The following FAM149B1 variants were observed in gnomAD, a reference collection of about 807,000 sequenced individuals.
FAM149B1 encodes primary cilium assembly protein FAM149B1.
A neutral mutation model predicts 75.3 loss-of-function variants in FAM149B1; 56 were observed. The observed-to-expected ratio is 0.74, with a 90% CI of 0.60 to 0.93. The LOEUF is 0.93. FAM149B1 is among the 40% of genes least tolerant of loss of function. The pLI, the probability that FAM149B1 is intolerant of heterozygous loss-of-function variation, is 0.00. For synonymous variants in FAM149B1, 259 were observed against 256.1 expected (o/e 1.01, Z -0.11); for missense variants, 639 against 708.4 (o/e 0.90, Z 1.11).
intron 5 of FAM149B1, among the ~76,000 whole-genome samples, chr10:73,194,916 T>C (rs767318257): frequency 3.6e-4 from 54 of 152,072 alleles, no homozygotes; most frequent in Middle Eastern, 6.8e-3. Flanking sequence ...ACTCCTGACC[T>C]CAGGTGATCT....
At position 73,168,278 on chromosome 10, in the gene FAM149B1, C is replaced by G; in HGVS notation, c.-62C>G. On this transcript the variant is annotated 5_prime_UTR_variant, in exon 1 of 14. Coordinates refer to ENST00000242505, the MANE Select transcript of FAM149B1 (RefSeq NM_173348.2). ...GCGGGAGGGCCAGGCCCGGAGGCCC[C>G]CACCCTGGCGTGCCTGCCCCGGCCG... 2.0e-6 allele frequency: 3 copies of G among 1,535,364 alleles called. No individual in the cohort carries two copies. Among genetic ancestry groups the G allele is most frequent in the Non-Finnish European group, 2.6e-6 (3 of 1,137,420 alleles).
chr10:73,168,415 G>A lies in FAM149B1; in HGVS notation c.47+29G>A, dbSNP rs770231786. 10 of 1,548,206 alleles carry A rather than the reference G, an allele frequency of 6.5e-6. No individual in the cohort carries two copies. In the African/African-American group the frequency reaches 6.9e-5, roughly 11 times the overall value. ...AGTGGACTGCTCAGCCACCCCAGCC[G>A]GGGCGGGCGGCGGGCGCTCTGGGGA... is the stretch of plus-strand genomic sequence containing the variant. On this transcript the variant is annotated intron_variant, in intron 1 of 13. Coordinates refer to ENST00000242505, the MANE Select transcript of FAM149B1 (RefSeq NM_173348.2).
chr10:73,205,819 TG>T (rs767763490), intron 5 of FAM149B1, among the ~76,000 whole-genome samples: 4 of 152,180 alleles, frequency 2.6e-5, no homozygotes, highest in Non-Finnish European at 5.9e-5. Flanking sequence ...CCCAAAGTGC[TG>T]GGATTATAGG....
chr10:73,195,752 G>A (rs1312078580), intron 5 of FAM149B1, among the ~76,000 whole-genome samples: 1 of 151,376 alleles, frequency 6.6e-6, no homozygotes, highest in South Asian at 2.1e-4. Context: ...CCTATTTTTG[G>A]TGCTACTTTT....
In FAM149B1 at chr10:73,241,000, G is replaced by T. The variant is rs563864481; in HGVS notation, c.1730G>T (p.Arg577Leu). 1 of 1,541,634 alleles carries T rather than the reference G, an allele frequency of 6.5e-7. No homozygotes were observed. The highest frequency in any genetic ancestry group is 8.8e-7 in the Non-Finnish European group (1 of 1,141,420). Residue 577 changes from arginine to leucine, a missense_variant, in exon 14 of 14, where the codon CGA becomes CTA. Physicochemically the swap from Arg to Leu is moderately radical, Grantham distance 102. Transcript: ENST00000242505. ...KSQSGGRPVS[R>L]TRQGP is the part of the protein sequence containing the mutation. ...CAAAGCGGAGGCAGACCAGTCTCTC[G>T]AACCAGGCAGGGACCATAAGGCAAA...
intron 5 of FAM149B1, among the ~76,000 whole-genome samples, chr10:73,198,560 T>G (rs921566717): frequency 6.6e-6 from 1 of 152,122 alleles, no homozygotes; most frequent in East Asian, 1.9e-4. Flanking sequence ...ATCCCAACAC[T>G]TTGAGAGGCC....
In FAM149B1 at chr10:73,243,210, G is replaced by T; in HGVS notation, c.*2191G>T. 1.6e-6 allele frequency: 1 copy of T among 606,790 alleles called. No homozygotes were observed. Among genetic ancestry groups the T allele is most frequent in the Non-Finnish European group, 2.8e-6 (1 of 354,556 alleles). The allele number at this position is 606,790 out of a possible 1,614,324, so 37.6% of individuals were successfully genotyped here. A position where few individuals can be genotyped will look rare whatever the true frequency, so the allele number is the denominator to read the frequency against. ...TCCTTCAGGTGAGACCTCACACAAT[G>T]TCAAGTGCTTTCTAGGAAATACTAA... On this transcript the variant is annotated 3_prime_UTR_variant, in exon 14 of 14. Coordinates refer to ENST00000242505, the MANE Select transcript of FAM149B1 (RefSeq NM_173348.2).
chr10:73,234,703 G>C (rs1020986126), intron 10 of FAM149B1, 114 bp from the exon 11 acceptor site: 1 of 1,145,486 alleles, frequency 8.7e-7, no homozygotes, highest in Non-Finnish European at 1.2e-6. Context: ...GTAGCCTAAA[G>C]CTTTCTGTGC....
intron 11 of FAM149B1, 60 bp downstream of exon 11, chr10:73,235,000 T>C: frequency 6.5e-7 from 1 of 1,529,110 alleles, no homozygotes; most frequent in Non-Finnish European, 8.8e-7. Context: ...GGGCAGTAAT[T>C]CTGCAGGATC....
At chr10:73,180,918 T>G (rs541786068) in intron 3 of FAM149B1, among the ~76,000 whole-genome samples, 15 of 151,762 alleles carry the variant, frequency 9.9e-5, no homozygotes, top group African/African-American at 3.6e-4. Context: ...CCCACTACCC[T>G]TCCCAGCCTC....
chr10:73,220,800 G>T (rs527411653), intron 7 of FAM149B1, among the ~76,000 whole-genome samples: 109 of 152,292 alleles, frequency 7.2e-4, no homozygotes, highest in African/African-American at 2.4e-3. Context: ...CCACCGGAAA[G>T]CCAGGACAGC....
chr10:73,213,472 G>C (rs1239979190), intron 7 of FAM149B1, among the ~76,000 whole-genome samples: 1 of 152,114 alleles, frequency 6.6e-6, no homozygotes, highest in Non-Finnish European at 1.5e-5. Flanking sequence ...TTGGGTTTAA[G>C]TCTTTAATCC....
At chr10:73,239,618 T>C (rs1055255018) in intron 13 of FAM149B1, among the ~76,000 whole-genome samples, 1 of 151,920 alleles carries the variant, frequency 6.6e-6, no homozygotes, top group African/African-American at 2.4e-5. Flanking sequence ...CTTCATACCA[T>C]GTAAATTAAC....
intron 3 of FAM149B1, among the ~76,000 whole-genome samples, chr10:73,182,511 C>T (rs1395503687): frequency 6.6e-6 from 1 of 152,240 alleles, no homozygotes; most frequent in African/African-American, 2.4e-5. Flanking sequence ...TGCACCCAGC[C>T]TTGCTGCATG....
intron 5 of FAM149B1, among the ~76,000 whole-genome samples, chr10:73,205,111 C>G (rs2043027286): frequency 6.6e-6 from 1 of 150,622 alleles, no homozygotes; most frequent in South Asian, 2.1e-4. Context: ...CCCGCCTGGC[C>G]AATTATTCTT....
Position 73,204,771 on chromosome 10 carries a change from C to CTTTT in FAM149B1, c.543-3827_543-3824dup, listed in dbSNP as rs772508767. Among the ~76,000 whole-genome samples the CTTTT allele has an allele frequency of 2.5e-3, 234 of 92,944 alleles. 8 individuals are homozygous for CTTTT. The highest frequency in any genetic ancestry group is 8.4e-3 in the African/African-American group (183 of 21,842). The allele number at this position is 92,944 out of a possible 152,430, so 61.0% of individuals were successfully genotyped here. On this transcript the variant is annotated intron_variant, in intron 5 of 13. Transcript: ENST00000242505. ...AGATGTAATTATAAATGTGATTATT[C>CTTTT]TTTTTTTTTTTTTTTTTTTTTTTTG...
In FAM149B1 at chr10:73,240,610, A is replaced by G. The variant is rs1006180488; in HGVS notation, c.1676-336A>G. On this transcript the variant is annotated intron_variant, in intron 13 of 13. Transcript: ENST00000242505. ...GCCTGTAGTCCCAGCTACTCGGGGG[A>G]CTGAGGCAGGAGAATGAGGTGAACC... Among the ~76,000 whole-genome samples, 8 of 151,886 alleles carry G rather than the reference A, an allele frequency of 5.3e-5. No individual in the cohort carries two copies. In the East Asian group the frequency reaches 5.8e-4, roughly 11 times the overall value.
Position 73,227,092 on chromosome 10 carries a change from T to A in FAM149B1, c.899-968T>A, listed in dbSNP as rs75270298. 2.3e-3 allele frequency among the ~76,000 whole-genome samples: 347 copies of A among 152,114 alleles called. 2 individuals carry two copies. The highest frequency in any genetic ancestry group is 8.0e-3 in the African/African-American group (332 of 41,384). ...TTAATGAAGAAAAATATTTATTTTT[T>A]ATTTTTATTTATTGAAACAGGGTTT... is the stretch of plus-strand genomic sequence containing the variant. On this transcript the variant is annotated intron_variant, in intron 7 of 13. Coordinates refer to ENST00000242505, the MANE Select transcript of FAM149B1 (RefSeq NM_173348.2).
chr10:73,208,186 C>G (rs971646562), intron 5 of FAM149B1, among the ~76,000 whole-genome samples: 1 of 152,230 alleles, frequency 6.6e-6, no homozygotes, highest in Admixed American at 6.5e-5. Flanking sequence ...TGGCACCTCT[C>G]TTGCTCCTGC....
Sources: gnomAD v4.1 joint callset for allele counts (sites outside exome capture counted in the v4.1 genomes callset) on GRCh38, gnomAD v4.1.1 for gene constraint, MANE v1.5 for transcripts, NCBI Gene and HGNC (gene_info 2026-07-23, HGNC 2026-07-21) for gene names.